The following RORA variants were observed in gnomAD, a reference collection of about 807,000 sequenced individuals.
RORA encodes nuclear receptor ROR-alpha.
RORA carries 7 observed loss-of-function variants against 69.5 expected under a neutral mutation model. That is an observed-to-expected ratio of 0.10 (90% CI 0.06 to 0.19). The LOEUF (loss-of-function observed/expected upper bound fraction) is 0.19. Ranked by LOEUF, RORA falls within the 10% of genes least tolerant of loss-of-function variation. The probability of loss-of-function intolerance (pLI) is 1.00; values close to 1 mark genes in which losing one functional copy is unlikely to be tolerated. For synonymous variants in RORA, 261 were observed against 240.8 expected (o/e 1.08, Z -0.78); for missense variants, 457 against 663.0 (o/e 0.69, Z 3.41).
intron 1 of RORA, among the ~76,000 whole-genome samples, chr15:60,695,295 AT>A (rs1194229729): frequency 1.3e-5 from 2 of 152,194 alleles, no homozygotes; most frequent in Non-Finnish European, 2.9e-5. Flanking sequence ...CACTGAAAAA[AT>A]TCAGGCTACA....
chr15:61,028,297 G>C (rs1251360011), intron 1 of RORA, among the ~76,000 whole-genome samples: 1 of 152,134 alleles, frequency 6.6e-6, no homozygotes, highest in Non-Finnish European at 1.5e-5. Context: ...AGGAGGAGTT[G>C]AGTGGTTTAT....
intron 2 of RORA, among the ~76,000 whole-genome samples, chr15:60,603,022 G>A (rs896407621): frequency 2.0e-5 from 3 of 152,280 alleles, no homozygotes; most frequent in Admixed American, 6.5e-5. Flanking sequence ...CAGTGGAATA[G>A]TATATTATGC....
chr15:60,592,940 G>A (rs1296814887), intron 2 of RORA: 1 of 455,684 alleles, frequency 2.2e-6, no homozygotes, highest in South Asian at 1.6e-5. Flanking sequence ...GGAGCACTCG[G>A]GGGCGATAAA....
chr15:60,624,596 A>C (rs1455991546), intron 2 of RORA, among the ~76,000 whole-genome samples: 1 of 148,788 alleles, frequency 6.7e-6, no homozygotes, highest in African/African-American at 2.5e-5. Context: ...CACACACACA[A>C]ACACACACAA....
chr15:60,720,683 T>C (rs2071282731), intron 1 of RORA, among the ~76,000 whole-genome samples: 1 of 152,152 alleles, frequency 6.6e-6, no homozygotes, highest in Admixed American at 6.5e-5. Context: ...CCTATTAATT[T>C]CTCGAATCGA....
intron 2 of RORA, among the ~76,000 whole-genome samples, chr15:60,597,552 ATAT>A (rs1739180023): frequency 9.2e-5 from 2 of 21,740 alleles, no homozygotes; most frequent in Non-Finnish European, 1.5e-4. Context: ...CACACACAAC[ATAT>A]ATATATATAT....
chr15:60,578,091 G>A (rs1197257167), intron 2 of RORA, among the ~76,000 whole-genome samples: 3 of 152,164 alleles, frequency 2.0e-5, no homozygotes, highest in Non-Finnish European at 2.9e-5. Flanking sequence ...GTTTCTTAAA[G>A]ATTAGTTAGA....
chr15:60,727,878 G>A (rs555032274), intron 1 of RORA, among the ~76,000 whole-genome samples: 5 of 152,198 alleles, frequency 3.3e-5, no homozygotes, highest in African/African-American at 7.2e-5. Context: ...CATTCACAGC[G>A]CTCTGAAGGT....
intron 1 of RORA, among the ~76,000 whole-genome samples, chr15:61,086,743 A>C (rs968868759): frequency 6.6e-6 from 1 of 151,562 alleles, no homozygotes; most frequent in African/African-American, 2.4e-5. Context: ...TATTTCTTTG[A>C]ATTGGGGGCT....
At position 60,871,610 on chromosome 15, in the gene RORA, T is replaced by G. The variant is rs532608379; in HGVS notation, c.167-192924A>C. ...GATGAGGGAAATATTGCCCCTATAT[T>G]CCAAAGCTGAATGGTTTTTCCACTT... On this transcript the variant is annotated intron_variant, in intron 1 of 10. Coordinates refer to ENST00000335670, the MANE Select transcript of RORA (RefSeq NM_134261.3). Among the ~76,000 whole-genome samples, 4 of 152,318 alleles carry G rather than the reference T, an allele frequency of 2.6e-5. No homozygotes were observed. In the East Asian group the frequency reaches 7.7e-4, roughly 29 times the overall value.
In RORA at chr15:60,876,324, G is replaced by GT. The variant is rs1163521015; in HGVS notation, c.167-197639_167-197638insA. On this transcript the variant is annotated intron_variant, in intron 1 of 10. Coordinates refer to ENST00000335670, the MANE Select transcript of RORA (RefSeq NM_134261.3). ...TCTTACAGGAAGTGGGGGGGGGGGG[G>GT]GGCGGCTAGGAGACCACCACACTTG... Among the ~76,000 whole-genome samples the GT allele has an allele frequency of 7.7e-4, 110 of 142,660 alleles. 5 individuals carry two copies. Among genetic ancestry groups the GT allele is most frequent in the African/African-American group, 2.8e-3 (107 of 38,530 alleles). The allele number at this position is 142,660 out of a possible 152,430, so 93.6% of individuals were successfully genotyped here.
At chr15:61,130,908 T>G (rs1396971829) in intron 1 of RORA, among the ~76,000 whole-genome samples, 1 of 152,224 alleles carries the variant, frequency 6.6e-6, no homozygotes, top group African/African-American at 2.4e-5. Context: ...ATCTTCACAA[T>G]TACTCCTGGT....
chr15:60,894,620 A>G (rs1170813867), intron 1 of RORA, among the ~76,000 whole-genome samples: 1 of 152,206 alleles, frequency 6.6e-6, no homozygotes, highest in Non-Finnish European at 1.5e-5. Flanking sequence ...AGTGTGCATC[A>G]GAATCACCTG....
intron 2 of RORA, among the ~76,000 whole-genome samples, chr15:60,618,414 T>G (rs1266194430): frequency 6.6e-6 from 1 of 152,190 alleles, no homozygotes; most frequent in Non-Finnish European, 1.5e-5. Flanking sequence ...AGCCCGTCCT[T>G]TGTGTTCAGT....
At chr15:60,726,810 C>A (rs1439242964) in intron 1 of RORA, among the ~76,000 whole-genome samples, 3 of 151,942 alleles carry the variant, frequency 2.0e-5, no homozygotes, top group African/African-American at 7.3e-5. Flanking sequence ...CATTGAGGAG[C>A]CCTGAGGGTC....
chr15:60,664,938 C>T (rs2070358841), intron 2 of RORA, among the ~76,000 whole-genome samples: 1 of 152,132 alleles, frequency 6.6e-6, no homozygotes, highest in African/African-American at 2.4e-5. Flanking sequence ...GGCTAAAGGA[C>T]ATTTTTAAAA....
chr15:61,050,511 T>C (rs1897243159), intron 1 of RORA, among the ~76,000 whole-genome samples: 1 of 152,236 alleles, frequency 6.6e-6, no homozygotes, highest in African/African-American at 2.4e-5. Context: ...ATATGGTCTC[T>C]GTCTTCAGGG....
chr15:61,221,600 A>G (rs950577943), intron 1 of RORA, among the ~76,000 whole-genome samples: 7 of 152,204 alleles, frequency 4.6e-5, no homozygotes, highest in African/African-American at 2.4e-5. Flanking sequence ...TTTATACACA[A>G]TTTTATTTCT....
At chr15:60,541,257 TA>T (rs2066862776) in intron 2 of RORA, among the ~76,000 whole-genome samples, 2 of 152,158 alleles carry the variant, frequency 1.3e-5, no homozygotes, top group Non-Finnish European at 2.9e-5. Flanking sequence ...AAACAAAAAA[TA>T]TGGCAAGTTC....
Sources: gnomAD v4.1 joint callset for allele counts (sites outside exome capture counted in the v4.1 genomes callset) on GRCh38, gnomAD v4.1.1 for gene constraint, MANE v1.5 for transcripts, NCBI Gene and HGNC (gene_info 2026-07-23, HGNC 2026-07-21) for gene names.